Variants in ZDHHC14 observed in about 807,000 individuals in gnomAD.
ZDHHC14 encodes palmitoyltransferase ZDHHC14.
A neutral mutation model predicts 47.7 loss-of-function variants in ZDHHC14; 16 were observed. The observed-to-expected ratio is 0.34, with a 90% CI of 0.23 to 0.51. The LOEUF (loss-of-function observed/expected upper bound fraction) is 0.51. Among genes scored for constraint, ZDHHC14 ranks in the 20% least tolerant of loss-of-function variants. The pLI, the probability that ZDHHC14 is intolerant of heterozygous loss-of-function variation, is 0.97. For missense variants in ZDHHC14, 515 were observed against 662.5 expected (o/e 0.78, Z 2.44); for synonymous variants, 293 against 278.9 (o/e 1.05, Z -0.50).
chr6:157,501,288 T>C (rs1364270090), intron 1 of ZDHHC14, among the ~76,000 whole-genome samples: 1 of 152,226 alleles, frequency 6.6e-6, no homozygotes, highest in Non-Finnish European at 1.5e-5. Context: ...ACATACTTTA[T>C]ATGGTTTCTA....
chr6:157,614,575 T>C (rs1223687633), intron 3 of ZDHHC14, among the ~76,000 whole-genome samples: 1 of 151,916 alleles, frequency 6.6e-6, no homozygotes, highest in Non-Finnish European at 1.5e-5. Flanking sequence ...TTAGAAAAAC[T>C]CTCTATAAAT....
chr6:157,432,997 G>A (rs182879055), intron 1 of ZDHHC14, among the ~76,000 whole-genome samples: 33 of 152,378 alleles, frequency 2.2e-4, no homozygotes, highest in Non-Finnish European at 2.6e-4. Flanking sequence ...TGAAATCCCC[G>A]GCGTGGGGCG....
chr6:157,537,936 T>C (rs1453144129), intron 1 of ZDHHC14, among the ~76,000 whole-genome samples: 1 of 152,212 alleles, frequency 6.6e-6, no homozygotes, highest in Non-Finnish European at 1.5e-5. Context: ...ACATTCACAG[T>C]CATGGGCAGG....
chr6:157,519,645 G>A (rs528949570), intron 1 of ZDHHC14, among the ~76,000 whole-genome samples: 9 of 152,212 alleles, frequency 5.9e-5, no homozygotes, highest in Admixed American at 2.0e-4. Context: ...GCAGAGCCTT[G>A]GAGCCGGGGT....
chr6:157,554,346 G>T (rs1421412403), intron 2 of ZDHHC14, among the ~76,000 whole-genome samples: 2 of 152,326 alleles, frequency 1.3e-5, no homozygotes, highest in Non-Finnish European at 2.9e-5. Flanking sequence ...GGAATGTAAG[G>T]CAGGCCGTAG....
intron 2 of ZDHHC14, among the ~76,000 whole-genome samples, chr6:157,556,539 G>A (rs1782471294): frequency 6.6e-6 from 1 of 152,230 alleles, no homozygotes; most frequent in Non-Finnish European, 1.5e-5. Flanking sequence ...CAGTGCCAGG[G>A]GATGGAGCTC....
chr6:157,527,516 G>C (rs550767097), intron 1 of ZDHHC14, among the ~76,000 whole-genome samples: 4 of 152,280 alleles, frequency 2.6e-5, no homozygotes, highest in South Asian at 4.2e-4. Flanking sequence ...ACCCAGGGGA[G>C]AGTAAGAGTC....
At chr6:157,483,471 CT>C (rs1335310641) in intron 1 of ZDHHC14, among the ~76,000 whole-genome samples, 1 of 152,178 alleles carries the variant, frequency 6.6e-6, no homozygotes, top group African/African-American at 2.4e-5. Flanking sequence ...GTTTTTCCCC[CT>C]GAACTGGTGA....
At chr6:157,454,947 T>C (rs564402052) in intron 1 of ZDHHC14, among the ~76,000 whole-genome samples, 1 of 152,308 alleles carries the variant, frequency 6.6e-6, no homozygotes, top group African/African-American at 2.4e-5. Context: ...CCTCTGACAG[T>C]CCTGTGAACA....
chr6:157,454,063 G>A (rs1778861416), intron 1 of ZDHHC14, among the ~76,000 whole-genome samples: 1 of 152,158 alleles, frequency 6.6e-6, no homozygotes, highest in Admixed American at 6.5e-5. Context: ...TTTCAGGCTA[G>A]GACTGGCATG....
Position 157,672,629 on chromosome 6 carries a change from A to ACC in ZDHHC14, c.1069-93_1069-92dup. 29 of 79,518 alleles carry ACC rather than the reference A, an allele frequency of 3.6e-4. 5 individuals are homozygous for ACC. The highest frequency in any genetic ancestry group is 3.2e-3 in the South Asian group (14 of 4,418). 4.9% of individuals were successfully genotyped at this position (79,518 alleles called of 1,614,324 possible). A position where few individuals can be genotyped will look rare whatever the true frequency, so the allele number is the denominator to read the frequency against. On this transcript the variant is annotated intron_variant, in intron 8 of 8. Transcript: ENST00000359775. Reference sequence around the variant, plus strand: ...AACGGTTTCTCTCTTCTCGCACCCCACCCTCCCCGCCCGTGCCCTGTCCCC... The same window carrying ACC: ...AACGGTTTCTCTCTTCTCGCACCCCACCCCCTCCCCGCCCGTGCCCTGTCCCC...
intron 1 of ZDHHC14, among the ~76,000 whole-genome samples, chr6:157,408,197 C>T (rs982305114): frequency 6.6e-6 from 1 of 152,116 alleles, no homozygotes; most frequent in Non-Finnish European, 1.5e-5. Context: ...AAGAGAAAAG[C>T]TTATTTTTCT....
intron 5 of ZDHHC14, among the ~76,000 whole-genome samples, chr6:157,635,838 C>G (rs546548878): frequency 6.6e-6 from 1 of 152,316 alleles, no homozygotes; most frequent in East Asian, 1.9e-4. Flanking sequence ...CTTATTCAGG[C>G]CAGAGCAAAT....
intron 1 of ZDHHC14, among the ~76,000 whole-genome samples, chr6:157,433,919 A>G (rs1778389591): frequency 6.6e-6 from 1 of 152,198 alleles, no homozygotes; most frequent in South Asian, 2.1e-4. Flanking sequence ...AGCAGTGACC[A>G]GGAACAAGAG....
chr6:157,449,815 G>A (rs1264533786), intron 1 of ZDHHC14, among the ~76,000 whole-genome samples: 5 of 152,268 alleles, frequency 3.3e-5, no homozygotes, highest in African/African-American at 1.2e-4. Flanking sequence ...AGTAACCTCA[G>A]GCAAACTGCT....
At chr6:157,419,510 G>A (rs1460765385) in intron 1 of ZDHHC14, among the ~76,000 whole-genome samples, 2 of 152,170 alleles carry the variant, frequency 1.3e-5, no homozygotes, top group Non-Finnish European at 2.9e-5. Context: ...TCTTTTTACT[G>A]TTTCTATAGT....
intron 1 of ZDHHC14, among the ~76,000 whole-genome samples, chr6:157,515,999 G>A (rs1041668103): frequency 2.7e-4 from 41 of 152,224 alleles, no homozygotes; most frequent in Non-Finnish European, 5.1e-4. Context: ...ACACTACCAG[G>A]ACCCAAGTCC....
intron 3 of ZDHHC14, among the ~76,000 whole-genome samples, chr6:157,620,837 G>A (rs1414338745): frequency 6.6e-6 from 1 of 152,232 alleles, no homozygotes; most frequent in Non-Finnish European, 1.5e-5. Flanking sequence ...CACAGGTGGT[G>A]GCTGAGGTGC....
At chr6:157,671,461 C>T (rs1778791815) in intron 8 of ZDHHC14, among the ~76,000 whole-genome samples, 1 of 152,178 alleles carries the variant, frequency 6.6e-6, no homozygotes, top group African/African-American at 2.4e-5. Context: ...TCCTCCTTCC[C>T]ATCAAAACAC....
Sources: gnomAD v4.1 joint callset for allele counts (sites outside exome capture counted in the v4.1 genomes callset) on GRCh38, gnomAD v4.1.1 for gene constraint, MANE v1.5 for transcripts, NCBI Gene and HGNC (gene_info 2026-07-23, HGNC 2026-07-21) for gene names.